The following PTBP3 variants were observed in gnomAD, a reference collection of about 807,000 sequenced individuals.
The protein encoded by PTBP3 is polypyrimidine tract-binding protein 3.
In PTBP3, 20 loss-of-function variants were observed where a neutral mutation model predicts 58.7. That is an observed-to-expected ratio of 0.34 (90% CI 0.24 to 0.50). The LOEUF is 0.50. PTBP3 is among the 20% of genes least tolerant of loss of function. The probability of loss-of-function intolerance (pLI) is 0.98; values close to 1 mark genes in which losing one functional copy is unlikely to be tolerated. For missense variants in PTBP3, 509 were observed against 637.2 expected (o/e 0.80, Z 2.17); for synonymous variants, 185 against 219.8 (o/e 0.84, Z 1.40).
chr9:112,337,551 A>G (rs1830587495), upstream of PTBP3, among the ~76,000 whole-genome samples: 2 of 152,146 alleles, frequency 1.3e-5, no homozygotes, highest in Admixed American at 1.3e-4. Context: ...TTGACCTGAA[A>G]CTGATGGGTT....
intron 5 of PTBP3, among the ~76,000 whole-genome samples, chr9:112,253,289 T>A (rs568214165): frequency 6.6e-6 from 1 of 152,216 alleles, no homozygotes; most frequent in African/African-American, 2.4e-5. Context: ...TATCCTAATA[T>A]CTGGTGATTT....
In PTBP3 at chr9:112,222,688, C is replaced by A. The variant is rs1834846107; in HGVS notation, c.*1163G>T. On this transcript the variant is annotated 3_prime_UTR_variant, in exon 14 of 14. Transcript: ENST00000374257. ...AATTGCAATGAAAAAAATTTTAAAT[C>A]CTTACCAAAACAGAGAAAGAAAAAA... The A allele has an allele frequency of 5.1e-6, 5 of 982,896 alleles. No homozygotes were observed. In the South Asian group the frequency reaches 1.4e-4, roughly 28 times the overall value. The allele number at this position is 982,896 out of a possible 1,614,324, so 60.9% of individuals were successfully genotyped here.
chr9:112,292,481 C>T (rs553833706), intron 2 of PTBP3, among the ~76,000 whole-genome samples: 1 of 152,282 alleles, frequency 6.6e-6, no homozygotes, highest in East Asian at 1.9e-4. Flanking sequence ...ACACCATGTT[C>T]ACTGCAGCGT....
At chr9:112,366,976 A>G in the PTBP3 span, among the ~76,000 whole-genome samples, 1 of 152,200 alleles carries the variant, frequency 6.6e-6, no homozygotes, top group Non-Finnish European at 1.5e-5. Flanking sequence ...GATGTGAGAC[A>G]TGGAGTCAAA....
At chr9:112,344,874 C>T in the PTBP3 span, among the ~76,000 whole-genome samples, 1 of 152,100 alleles carries the variant, frequency 6.6e-6, no homozygotes, top group Non-Finnish European at 1.5e-5. Context: ...TGGCTCACAC[C>T]TGTAATTCCA....
At chr9:112,340,031 C>T in the PTBP3 span, among the ~76,000 whole-genome samples, 11 of 152,110 alleles carry the variant, frequency 7.2e-5, no homozygotes, top group Admixed American at 6.5e-4. Context: ...GTGGTGCAAT[C>T]GTGGCTCACT....
At chr9:112,375,669 A>C in the PTBP3 span, among the ~76,000 whole-genome samples, 1 of 152,104 alleles carries the variant, frequency 6.6e-6, no homozygotes, top group African/African-American at 2.4e-5. Flanking sequence ...CATGTAACTT[A>C]TTCCTCAGGT....
intron 4 of PTBP3, among the ~76,000 whole-genome samples, chr9:112,266,299 A>G (rs1276275542): frequency 6.6e-6 from 1 of 152,212 alleles, no homozygotes; most frequent in African/African-American, 2.4e-5. Context: ...AAAAATGGGG[A>G]AAATGGCACT....
the PTBP3 span, among the ~76,000 whole-genome samples, chr9:112,344,651 A>G: frequency 6.6e-6 from 1 of 152,210 alleles, no homozygotes; most frequent in African/African-American, 2.4e-5. Flanking sequence ...GGAAAGGAAA[A>G]ATAAGTTGCC....
At position 112,224,171 on chromosome 9, in the gene PTBP3, T is replaced by G; in HGVS notation, c.1404A>C (p.Ile468=). The change falls in exon 13 of 14, where the codon ATA becomes ATC. Residue 468 remains isoleucine, a synonymous_variant. Coordinates refer to ENST00000374257, the MANE Select transcript of PTBP3 (RefSeq NM_001163788.4). ...AAGCCTTCACTGAACATCCAGCTTC[T>G]ATGAAAAGGTTCTTCAGATCATCCA... ...VTVDDLKNLF[I]EAGCSVKAFK... is the part of the protein sequence containing the mutation. The G allele has an allele frequency of 1.3e-6, 2 of 1,572,418 alleles. No homozygotes were observed. Among genetic ancestry groups the G allele is most frequent in the Non-Finnish European group, 1.7e-6 (2 of 1,166,570 alleles).
intron 5 of PTBP3, among the ~76,000 whole-genome samples, chr9:112,262,139 T>C (rs1289716965): frequency 1.3e-5 from 2 of 152,152 alleles, no homozygotes; most frequent in African/African-American, 4.8e-5. Context: ...CATTACTTTC[T>C]AAGGAACAAC....
rs1474349861 is a variant in PTBP3 at position 112,275,996 on chromosome 9, T to G, written c.52A>C (p.Lys18Gln). The change falls in exon 3 of 14, where the codon AAG (lysine) becomes CAG (glutamine). Residue 18 changes from lysine to glutamine, a missense_variant. Physicochemically the swap from Lys to Gln is moderately conservative, Grantham distance 53. Transcript: ENST00000374257. ...GGAGGTCTATCTCGTTTAAATTTCT[T>G]GCTGTCATTCCCATTAGCTAAAAAA... ...TGVYANGNDS[K>Q]KFKRDRPPCS... is the part of the protein sequence containing the mutation. 1 of 1,612,498 alleles carries G rather than the reference T, an allele frequency of 6.2e-7. No individual in the cohort carries two copies. The highest frequency in any genetic ancestry group is 1.3e-5 in the African/African-American group (1 of 74,892).
chr9:112,312,500 T>TA (rs67629809), intron 1 of PTBP3, among the ~76,000 whole-genome samples: 158 of 123,068 alleles, frequency 1.3e-3, no homozygotes, highest in Non-Finnish European at 2.1e-3. Flanking sequence ...TTTTTTTTTT[T>TA]AAAAAAAAAA....
At chr9:112,233,756 C>T (rs1337103781) in intron 8 of PTBP3, among the ~76,000 whole-genome samples, 1 of 152,090 alleles carries the variant, frequency 6.6e-6, no homozygotes, top group Non-Finnish European at 1.5e-5. Context: ...CATGGCGAAA[C>T]CCCACCTCTA....
intron 1 of PTBP3, 43 bp downstream of exon 1, chr9:112,333,427 G>A: frequency 6.4e-7 from 1 of 1,563,364 alleles, no homozygotes; most frequent in Non-Finnish European, 8.7e-7. Flanking sequence ...TGGAAGCGGC[G>A]CCAAGGCAAC....
At chr9:112,234,308 T>A (rs1365710791) in intron 8 of PTBP3, among the ~76,000 whole-genome samples, 4 of 152,156 alleles carry the variant, frequency 2.6e-5, no homozygotes, top group Non-Finnish European at 5.9e-5. Context: ...TCCCCTGAAA[T>A]AAACAGCATG....
chr9:112,232,386 C>T (rs1163745033), intron 8 of PTBP3, 148 bp from the exon 9 acceptor site: 4 of 771,986 alleles, frequency 5.2e-6, no homozygotes, highest in African/African-American at 1.8e-5. Context: ...CAGTTTTCTG[C>T]CCTACAGAGT....
intron 2 of PTBP3, among the ~76,000 whole-genome samples, chr9:112,295,419 GA>G (rs36030832): frequency 9.1e-5 from 13 of 142,518 alleles, no homozygotes; most frequent in Admixed American, 2.1e-4. Flanking sequence ...AAGATTGGAG[GA>G]AAAAAAAAAA....
At chr9:112,233,355 C>T (rs1267717914) in intron 8 of PTBP3, among the ~76,000 whole-genome samples, 1 of 146,786 alleles carries the variant, frequency 6.8e-6, no homozygotes, top group African/African-American at 2.5e-5. Context: ...AGTCAGAAGC[C>T]CTCTTTTATT....
Sources: gnomAD v4.1 joint callset for allele counts (sites outside exome capture counted in the v4.1 genomes callset) on GRCh38, gnomAD v4.1.1 for gene constraint, MANE v1.5 for transcripts, NCBI Gene and HGNC (gene_info 2026-07-23, HGNC 2026-07-21) for gene names.